BCL11A: variants seen among roughly 807,000 people sequenced by gnomAD.
BCL11A encodes BCL11 transcription factor A.
A neutral mutation model predicts 55.9 loss-of-function variants in BCL11A; 2 were observed. That is an observed-to-expected ratio of 0.04 (90% CI 0.01 to 0.11). The LOEUF is 0.11. BCL11A is among the 10% of genes least tolerant of loss of function. BCL11A has a pLI of 1.00. For synonymous variants in BCL11A, 465 were observed against 473.4 expected, an observed-to-expected ratio of 0.98 and a Z score of 0.23; for missense variants, 817 against 1,137.1, an observed-to-expected ratio of 0.72 and a Z score of 4.05.
chr2:60,452,554 C>G (rs376955234), downstream of BCL11A: 6 of 1,607,788 alleles, frequency 3.7e-6, no homozygotes, highest in South Asian at 5.5e-5. Flanking sequence ...TCCACCCCAC[C>G]CCTGGGGGCT....
chr2:60,535,510 C>G (rs957650856), intron 2 of BCL11A: 2 of 152,374 alleles, frequency 1.3e-5, no homozygotes, highest in African/African-American at 4.8e-5. Context: ...TCCAACAGAA[C>G]AGATTAACAC....
chr2:60,473,156 A>G (rs1016638845), intron 2 of BCL11A, among the ~76,000 whole-genome samples: 2 of 151,214 alleles, frequency 1.3e-5, no homozygotes, highest in East Asian at 1.9e-4. Context: ...ATGTGTGTGT[A>G]TATGTGAGTG....
downstream of BCL11A, among the ~76,000 whole-genome samples, chr2:60,455,119 G>A (rs1424582814): frequency 6.6e-6 from 1 of 152,138 alleles, no homozygotes; most frequent in Non-Finnish European, 1.5e-5. Context: ...AAATCTGTGA[G>A]AAATAGAATT....
chr2:60,461,300 C>T lies in BCL11A; in HGVS notation c.1612G>A (p.Asp538Asn), dbSNP rs754621798. The change falls in exon 4 of 4, where the codon GAC (aspartate) becomes AAC (asparagine). Residue 538 changes from aspartate (D) to asparagine (N), a missense_variant. This residue lies in a region of BCL11A where 379 missense variants were observed against 425.3 expected (regional missense o/e 0.89). Transcript: ENST00000642384. ...ACGTCGGGCAGGGCGCGGCTCTCGT[C>T]GCCCACGCCCACGACCGCGCCCCGC... ...SSRGAVVGVG[D>N]ESRALPDVMQ... 26 of 1,600,988 alleles carry T rather than the reference C, an allele frequency of 1.6e-5. No individual in the cohort carries two copies. The highest frequency in any genetic ancestry group is 2.2e-5 in the Non-Finnish European group (26 of 1,178,210).
intron 2 of BCL11A, among the ~76,000 whole-genome samples, chr2:60,485,838 T>C (rs1011200433): frequency 1.3e-5 from 2 of 152,184 alleles, no homozygotes; most frequent in African/African-American, 4.8e-5. Flanking sequence ...CCCCCAGAAG[T>C]AGCCCTTCAC....
In BCL11A at chr2:60,553,365, G is replaced by A; in HGVS notation, c.-95C>T. On this transcript the variant is annotated 5_prime_UTR_variant, in exon 1 of 4. Coordinates refer to ENST00000642384, the MANE Select transcript of BCL11A (RefSeq NM_022893.4). ...GGGAGAGCCGGGTTAGAAAGAAGGA[G>A]ACTCCAGAGAAAATATCTTCATCAG... The A allele has an allele frequency of 1.5e-6, 2 of 1,296,640 alleles. No individual in the cohort carries two copies. The highest frequency in any genetic ancestry group is 2.1e-6 in the Non-Finnish European group (2 of 939,882). The allele number at this position is 1,296,640 out of a possible 1,614,324, so 80.3% of individuals were successfully genotyped here. A position where few individuals can be genotyped will look rare whatever the true frequency, so the allele number is the denominator to read the frequency against.
At chr2:60,548,427 T>G (rs1670249916) in intron 1 of BCL11A, among the ~76,000 whole-genome samples, 2 of 151,918 alleles carry the variant, frequency 1.3e-5, no homozygotes, top group Admixed American at 6.6e-5. Context: ...TATCAAATAG[T>G]TAAAGGTAAT....
intron 2 of BCL11A, among the ~76,000 whole-genome samples, chr2:60,480,676 G>C (rs1386139955): frequency 1.3e-5 from 2 of 152,140 alleles, no homozygotes; most frequent in African/African-American, 2.4e-5. Context: ...TGGACAATCA[G>C]GTTAATCATT....
chr2:60,502,116 T>C (rs1226838079), intron 2 of BCL11A, among the ~76,000 whole-genome samples: 6 of 152,176 alleles, frequency 3.9e-5, no homozygotes, highest in East Asian at 1.9e-4. Flanking sequence ...ACTGAGAGGT[T>C]TGCATGTTGT....
chr2:60,492,796 G>A (rs904710483), intron 2 of BCL11A, among the ~76,000 whole-genome samples: 3 of 152,194 alleles, frequency 2.0e-5, no homozygotes, highest in African/African-American at 7.2e-5. Context: ...CCAGTGGTGG[G>A]TGTTTTGTTT....
chr2:60,483,361 T>C (rs186583947), intron 2 of BCL11A, among the ~76,000 whole-genome samples: 32 of 152,304 alleles, frequency 2.1e-4, no homozygotes, highest in African/African-American at 7.5e-4. Context: ...ATGCCTCAAA[T>C]TGGGACTCAA....
At chr2:60,492,479 T>C (rs549753635) in intron 2 of BCL11A, among the ~76,000 whole-genome samples, 73 of 152,334 alleles carry the variant, frequency 4.8e-4, no homozygotes, top group African/African-American at 1.6e-3. Flanking sequence ...TTTTTACTTT[T>C]TGAAGCCTGC....
intron 2 of BCL11A, among the ~76,000 whole-genome samples, chr2:60,521,075 ACACACACACACACACACACACACACT>A (rs898235164): frequency 2.4e-4 from 19 of 78,642 alleles, no homozygotes; most frequent in African/African-American, 7.2e-4. Context: ...CAGCACACAC[ACACACACACACACACACACACACACT>A]CACACACACA....
intron 2 of BCL11A, chr2:60,541,730 GTT>G (rs1181809175): frequency 1.9e-6 from 1 of 519,026 alleles, no homozygotes; most frequent in Non-Finnish European, 3.4e-6. Flanking sequence ...CCAGTATATT[GTT>G]TTTTGTGGTA....
downstream of BCL11A, among the ~76,000 whole-genome samples, chr2:60,455,187 G>A (rs1021731330): frequency 6.6e-5 from 10 of 152,108 alleles, no homozygotes; most frequent in Non-Finnish European, 1.5e-4. Context: ...AACATTTTAA[G>A]CATCAGTTCA....
intron 2 of BCL11A, among the ~76,000 whole-genome samples, chr2:60,493,196 A>G (rs1042854226): frequency 2.0e-5 from 3 of 152,140 alleles, no homozygotes; most frequent in Non-Finnish European, 2.9e-5. Context: ...GTATTCCACC[A>G]TAGGGCGTTT....
chr2:60,528,130 T>C lies in BCL11A; in HGVS notation c.385+17841A>G, dbSNP rs75057284. On this transcript the variant is annotated intron_variant, in intron 2 of 3. Coordinates refer to ENST00000642384, the MANE Select transcript of BCL11A (RefSeq NM_022893.4). Reference sequence around the variant, plus strand: ...GATTATGACCCCCCAGAACCCATCGTCCTAAGAAACACCACTGCCACGCAC... The same window carrying C: ...GATTATGACCCCCCAGAACCCATCGCCCTAAGAAACACCACTGCCACGCAC... 119 of 152,552 alleles carry C rather than the reference T, an allele frequency of 7.8e-4. 1 individual carries two copies. The East Asian group carries it at 0.02, about 26-fold the overall frequency. 9.4% of individuals were successfully genotyped at this position (152,552 alleles called of 1,614,324 possible).
Position 60,462,192 on chromosome 2 carries a change from C to G in BCL11A, c.720G>C (p.Leu240=). 6.3e-7 allele frequency: 1 copy of G among 1,599,376 alleles called. No individual in the cohort carries two copies. The highest frequency in any genetic ancestry group is 8.5e-7 in the Non-Finnish European group (1 of 1,173,154). ...TCGATACTGATCCTGGTATTCTTAG[C>G]AGGTTAAAGGGGTTATTGTCTGCAA... ...IHIADNNPFN[L]LRIPGSVSRE... The change falls in exon 4 of 4, where the codon CTG becomes CTC. Residue 240 remains leucine, a synonymous_variant. Transcript: ENST00000642384.
In BCL11A at chr2:60,491,434, A is replaced by G. The variant is rs111911554; in HGVS notation, c.386-22601T>C. 2.7e-3 allele frequency among the ~76,000 whole-genome samples: 405 copies of G among 152,188 alleles called. 2 individuals carry two copies. The highest frequency in any genetic ancestry group is 9.3e-3 in the African/African-American group (386 of 41,538). ...ACACCTGTAATCCCAGCACTTTGGG[A>G]GGCCGGGGCAGGAGGATCACCTGAG... is the stretch of plus-strand genomic sequence containing the variant. On this transcript the variant is annotated intron_variant, in intron 2 of 3. Coordinates refer to ENST00000642384, the MANE Select transcript of BCL11A (RefSeq NM_022893.4).
Sources: gnomAD v4.1 joint callset for allele counts (sites outside exome capture counted in the v4.1 genomes callset) on GRCh38, gnomAD v4.1.1 for gene constraint, gnomAD v4.1.1 regional missense constraint, MANE v1.5 for transcripts, NCBI Gene and HGNC (gene_info 2026-07-23, HGNC 2026-07-21) for gene names.